Variants in DAB1 observed in about 807,000 individuals in gnomAD.
DAB1 encodes the protein disabled homolog 1.
DAB1 carries 15 observed loss-of-function variants against 64.6 expected under a neutral mutation model. That is an observed-to-expected ratio of 0.23 (90% CI 0.16 to 0.36). The LOEUF is 0.36. DAB1 is among the 10% of genes least tolerant of loss of function. DAB1 has a pLI of 1.00. For synonymous variants in DAB1, 235 were observed against 251.9 expected, an observed-to-expected ratio of 0.93 and a Z score of 0.64; for missense variants, 596 against 706.7, an observed-to-expected ratio of 0.84 and a Z score of 1.78.
intron 3 of DAB1, among the ~76,000 whole-genome samples, chr1:58,353,550 G>T (rs1644079318): frequency 6.6e-6 from 1 of 152,114 alleles, no homozygotes; most frequent in South Asian, 2.1e-4. Flanking sequence ...TTTAAAATTA[G>T]TGGATGGGGA....
intron 5 of DAB1, among the ~76,000 whole-genome samples, chr1:58,128,328 G>A (rs914994952): frequency 3.4e-5 from 5 of 148,938 alleles, no homozygotes; most frequent in African/African-American, 1.2e-4. Flanking sequence ...AGACTTTGCT[G>A]AAGTTGCTTA....
chr1:58,332,686 C>A (rs1215442801), intron 4 of DAB1, among the ~76,000 whole-genome samples: 1 of 152,120 alleles, frequency 6.6e-6, no homozygotes, highest in Non-Finnish European at 1.5e-5. Context: ...TCCACAGGAT[C>A]CAAGAAAGGA....
chr1:58,489,966 G>C (rs1197481565), intron 3 of DAB1, among the ~76,000 whole-genome samples: 3 of 152,062 alleles, frequency 2.0e-5, no homozygotes, highest in Non-Finnish European at 4.4e-5. Context: ...AAAGACCAAA[G>C]GTAGATAAAA....
chr1:57,021,609 T>C (rs1226764277), intron 11 of DAB1, among the ~76,000 whole-genome samples: 1 of 152,200 alleles, frequency 6.6e-6, no homozygotes, highest in South Asian at 2.1e-4. Context: ...TACCCAGCCA[T>C]GTGGAACAGT....
chr1:58,431,959 T>C (rs1392035531), intron 3 of DAB1, among the ~76,000 whole-genome samples: 1 of 152,148 alleles, frequency 6.6e-6, no homozygotes, highest in African/African-American at 2.4e-5. Context: ...GGCCTGAGGA[T>C]GGGTGTGAAG....
chr1:57,202,718 C>G (rs1031250657), intron 2 of DAB1, among the ~76,000 whole-genome samples: 1 of 152,176 alleles, frequency 6.6e-6, no homozygotes, highest in Non-Finnish European at 1.5e-5. Context: ...CTCCCTGAAA[C>G]CCTGTAATCA....
At chr1:57,269,630 G>A (rs370032190) in intron 2 of DAB1, among the ~76,000 whole-genome samples, 11 of 152,040 alleles carry the variant, frequency 7.2e-5, no homozygotes, top group African/African-American at 2.2e-4. Flanking sequence ...TCAGATTTAC[G>A]CCCTCCTCCA....
rs561764634 is a variant in DAB1, at chr1:58,112,595, A to G, written n.387+37916T>C. 2.6e-5 allele frequency among the ~76,000 whole-genome samples: 4 copies of G among 152,322 alleles called. No homozygotes were observed. The South Asian group carries it at 8.3e-4, about 32-fold the overall frequency. On this transcript the variant is annotated intron_variant and non_coding_transcript_variant, in intron 5 of 20. Coordinates refer to the DAB1 transcript ENST00000485760. ...AAACTTTCAATATGTTTCTAGCAAA[A>G]AATGCCTGGCACATAAAGCACATGG...
At chr1:57,393,919 G>A (rs531225804) in intron 1 of DAB1, among the ~76,000 whole-genome samples, 3 of 152,242 alleles carry the variant, frequency 2.0e-5, no homozygotes, top group East Asian at 1.9e-4. Context: ...GATGACTGAA[G>A]GCTATAGGGC....
intron 2 of DAB1, among the ~76,000 whole-genome samples, chr1:57,213,899 T>C (rs528429513): frequency 2.3e-4 from 35 of 152,348 alleles, no homozygotes; most frequent in African/African-American, 7.7e-4. Flanking sequence ...AAGCATGTAC[T>C]TAGGCAAGCC....
At chr1:58,208,939 C>G (rs1186959124) in intron 4 of DAB1, among the ~76,000 whole-genome samples, 4 of 152,070 alleles carry the variant, frequency 2.6e-5, no homozygotes, top group African/African-American at 9.7e-5. Flanking sequence ...AAGCAAAAAT[C>G]AGGAATGGAC....
At chr1:57,197,558 G>A (rs1018775049) in intron 2 of DAB1, among the ~76,000 whole-genome samples, 4 of 152,160 alleles carry the variant, frequency 2.6e-5, no homozygotes, top group Non-Finnish European at 5.9e-5. Flanking sequence ...TGAAGAAACC[G>A]AAGCTTTGAA....
At chr1:58,228,293 T>C (rs1044628662) in intron 4 of DAB1, among the ~76,000 whole-genome samples, 4 of 152,160 alleles carry the variant, frequency 2.6e-5, no homozygotes, top group Non-Finnish European at 5.9e-5. Flanking sequence ...CAGTAGATGT[T>C]AGGTAATAAA....
chr1:57,151,861 T>C (rs940728347), intron 2 of DAB1, among the ~76,000 whole-genome samples: 2 of 145,066 alleles, frequency 1.4e-5, no homozygotes, highest in Non-Finnish European at 3.0e-5. Context: ...TTGCCCAGGC[T>C]GGAGTGCAGT....
intron 3 of DAB1, among the ~76,000 whole-genome samples, chr1:58,484,600 A>G (rs1645543557): frequency 6.6e-6 from 1 of 152,228 alleles, no homozygotes; most frequent in African/African-American, 2.4e-5. Context: ...ATGCCGGGCA[A>G]GGAACAAAAA....
intron 1 of DAB1, among the ~76,000 whole-genome samples, chr1:57,367,558 G>A (rs547709706): frequency 1.2e-4 from 19 of 152,288 alleles, no homozygotes; most frequent in Admixed American, 4.6e-4. Flanking sequence ...GGCAGCTATC[G>A]AAAGAAACCA....
rs558836329 is a variant in DAB1, at chr1:58,443,643, T to C, written n.257+62417A>G. On this transcript the variant is annotated intron_variant and non_coding_transcript_variant, in intron 3 of 20. Coordinates refer to the DAB1 transcript ENST00000485760. ...TGCGGAAAGTCAGGCAAAGGGTAGGTGAGAACTCTCTGTACTATTTTTGCA... is the reference window on the plus strand; with the variant it reads ...TGCGGAAAGTCAGGCAAAGGGTAGGCGAGAACTCTCTGTACTATTTTTGCA... Among the ~76,000 whole-genome samples, 14 of 152,330 alleles carry C rather than the reference T, an allele frequency of 9.2e-5. No homozygotes were observed. In the South Asian group the frequency reaches 2.9e-3, roughly 32 times the overall value.
intron 7 of DAB1, among the ~76,000 whole-genome samples, chr1:57,490,297 T>C (rs1394688229): frequency 1.3e-5 from 2 of 152,174 alleles, no homozygotes; most frequent in Admixed American, 6.5e-5. Context: ...CTAGAAGACC[T>C]AGGCTTTGGG....
At chr1:58,379,040 G>C (rs977385858) in intron 3 of DAB1, among the ~76,000 whole-genome samples, 1 of 149,482 alleles carries the variant, frequency 6.7e-6, no homozygotes, top group African/African-American at 2.5e-5. Context: ...GCTTCGGCTC[G>C]CGCATGGTGC....
Sources: allele counts gnomAD v4.1 joint callset (sites outside exome capture counted in the v4.1 genomes callset), GRCh38; gene constraint gnomAD v4.1.1; transcripts MANE v1.5; gene names NCBI Gene and HGNC (gene_info 2026-07-23, HGNC 2026-07-21).